C11orf65: variants seen among roughly 807,000 people sequenced by gnomAD.
C11orf65 encodes the protein chromosome 11 open reading frame 65.
In C11orf65, 38 loss-of-function variants were observed where a neutral mutation model predicts 35.3. The observed-to-expected ratio is 1.08, with a 90% CI of 0.83 to 1.41. The LOEUF is 1.41. Among genes scored for constraint, C11orf65 ranks in the 40% most tolerant of loss-of-function variants. C11orf65 has a pLI of 0.00. For synonymous variants in C11orf65, 105 were observed against 114.4 expected (o/e 0.92, Z 0.53); for missense variants, 370 against 367.1 (o/e 1.01, Z -0.06).
intron 1 of C11orf65, among the ~76,000 whole-genome samples, chr11:108,463,606 AAGTT>A (rs1342671334): frequency 6.6e-6 from 1 of 152,164 alleles, no homozygotes; most frequent in African/African-American, 2.4e-5. Flanking sequence ...GATTTTGCCG[AAGTT>A]ACTTAACTCA....
chr11:108,327,889 G>A, downstream of C11orf65: 1 of 793,052 alleles, frequency 1.3e-6, no homozygotes, highest in Admixed American at 2.1e-5. Context: ...TACTGTTGTA[G>A]CTCTGTATAG....
At chr11:108,326,026 GTATT>G in intron 6 of C11orf65, 1 of 1,608,312 alleles carries the variant, frequency 6.2e-7, no homozygotes, top group Non-Finnish European at 8.5e-7. Flanking sequence ...AGTAGTAAAA[GTATT>G]TATTCCCATA....
chr11:108,318,889 T>A (rs1199404019), intron 6 of C11orf65, among the ~76,000 whole-genome samples: 1 of 151,560 alleles, frequency 6.6e-6, no homozygotes, highest in Non-Finnish European at 1.5e-5. Flanking sequence ...AAAAAAAAAA[T>A]TATTGGCCGA....
chr11:108,460,446 G>C (rs985613433), intron 2 of C11orf65, among the ~76,000 whole-genome samples: 1 of 152,120 alleles, frequency 6.6e-6, no homozygotes, highest in Non-Finnish European at 1.5e-5. Flanking sequence ...AAGTGACCAC[G>C]ACATTAACCC....
chr11:108,364,949 T>C, intron 2 of C11orf65: 1 of 937,280 alleles, frequency 1.1e-6, no homozygotes, highest in Non-Finnish European at 1.6e-6. Flanking sequence ...ACATGAAGTG[T>C]GCATGATGTT....
At chr11:108,310,246 C>G (rs1591746083) in intron 6 of C11orf65, 1 of 1,613,486 alleles carries the variant, frequency 6.2e-7, no homozygotes, top group South Asian at 1.1e-5. Flanking sequence ...TCTTGTGCTG[C>G]TCACTTTACA....
chr11:108,331,192 C>G (rs1215204652), downstream of C11orf65: 3 of 1,185,426 alleles, frequency 2.5e-6, no homozygotes, highest in Non-Finnish European at 3.1e-6. Context: ...ATAAACAGTA[C>G]CAAGTATTCT....
At chr11:108,353,564 G>A (rs985637516) in intron 2 of C11orf65, among the ~76,000 whole-genome samples, 2 of 152,178 alleles carry the variant, frequency 1.3e-5, no homozygotes, top group Non-Finnish European at 2.9e-5. Flanking sequence ...AAGTAGTTAG[G>A]TTATTTGGAT....
Position 108,409,053 on chromosome 11 carries a change from C to G in C11orf65, c.175-1904G>C, listed in dbSNP as rs1015235585. 2.0e-5 allele frequency among the ~76,000 whole-genome samples: 3 copies of G among 152,066 alleles called. No individual in the cohort carries two copies. In the South Asian group the frequency reaches 6.2e-4, roughly 32 times the overall value. On this transcript the variant is annotated intron_variant, in intron 3 of 8. Coordinates refer to ENST00000393084, the MANE Select transcript of C11orf65 (RefSeq NM_152587.5). Reference sequence around the variant, plus strand: ...ATTTTTTTCACTAAGGTGGACAGATCTTAAGTGTACAGCTCCATGAATTTT... The same window carrying G: ...ATTTTTTTCACTAAGGTGGACAGATGTTAAGTGTACAGCTCCATGAATTTT...
intron 2 of C11orf65, among the ~76,000 whole-genome samples, chr11:108,348,384 GAA>G (rs1446822838): frequency 6.7e-6 from 1 of 149,316 alleles, no homozygotes; most frequent in Non-Finnish European, 1.5e-5. Flanking sequence ...ATATAAGAAA[GAA>G]AGAATATGTA....
chr11:108,311,683 G>C (rs562384086), intron 6 of C11orf65, among the ~76,000 whole-genome samples: 15 of 151,626 alleles, frequency 9.9e-5, no homozygotes, highest in African/African-American at 3.6e-4. Context: ...AGGCGACAGA[G>C]CGAGACCCTA....
chr11:108,396,553 C>T (rs2092311451), intron 6 of C11orf65, among the ~76,000 whole-genome samples: 1 of 151,600 alleles, frequency 6.6e-6, no homozygotes, highest in Non-Finnish European at 1.5e-5. Flanking sequence ...TACTATTGGC[C>T]GGTTGCGGTG....
rs184309515 is a variant in C11orf65, at chr11:108,450,168, C to T, written c.81+11311G>A. Among the ~76,000 whole-genome samples the T allele has an allele frequency of 8.8e-3, 1,332 of 152,034 alleles. 37 individuals are homozygous for T. Among genetic ancestry groups the T allele is most frequent in the African/African-American group, 0.03 (1,244 of 41,346 alleles). On this transcript the variant is annotated intron_variant, in intron 2 of 8. Transcript: ENST00000393084. ...GAGAGGATGTGGAGAAACAGGAACACTTTTACACTGTTGGTGGGACTGTAA... is the reference window on the plus strand; with the variant it reads ...GAGAGGATGTGGAGAAACAGGAACATTTTTACACTGTTGGTGGGACTGTAA...
At chr11:108,401,113 A>G (rs75396098) in intron 6 of C11orf65, among the ~76,000 whole-genome samples, 2 of 116,328 alleles carry the variant, frequency 1.7e-5, no homozygotes, top group African/African-American at 2.8e-5. Flanking sequence ...CGTCTCAAAG[A>G]AAAAAAAAAA....
At chr11:108,443,279 C>T (rs1262580455) in intron 2 of C11orf65, among the ~76,000 whole-genome samples, 2 of 152,170 alleles carry the variant, frequency 1.3e-5, no homozygotes, top group African/African-American at 2.4e-5. Context: ...AGCTAACTAT[C>T]CTAAATATAT....
chr11:108,358,805 T>A, intron 2 of C11orf65, among the ~76,000 whole-genome samples: 1 of 148,552 alleles, frequency 6.7e-6, no homozygotes, highest in African/African-American at 2.5e-5. Context: ...GCACTAAACA[T>A]GGAAAGGAAC....
chr11:108,460,747 G>C (rs2093463599), intron 2 of C11orf65, among the ~76,000 whole-genome samples: 1 of 151,982 alleles, frequency 6.6e-6, no homozygotes, highest in South Asian at 2.1e-4. Context: ...TGTTGTTGTT[G>C]TTGTTGCTGC....
chr11:108,418,632 A>T (rs1565671683), intron 3 of C11orf65, among the ~76,000 whole-genome samples: 1 of 152,122 alleles, frequency 6.6e-6, no homozygotes, highest in Non-Finnish European at 1.5e-5. Flanking sequence ...CAAAGAAAAT[A>T]TAAAGAAGGA....
At chr11:108,387,464 A>G (rs774841623) in intron 7 of C11orf65, among the ~76,000 whole-genome samples, 180 of 151,970 alleles carry the variant, frequency 1.2e-3, no homozygotes, top group Non-Finnish European at 1.3e-3. Context: ...AATTATTTTT[A>G]CTTCTGTCAA....
Sources: allele counts gnomAD v4.1 joint callset (sites outside exome capture counted in the v4.1 genomes callset), GRCh38; gene constraint gnomAD v4.1.1; transcripts MANE v1.5; gene names NCBI Gene and HGNC (gene_info 2026-07-23, HGNC 2026-07-21).